CDON: variants seen among roughly 807,000 people sequenced by gnomAD.
CDON encodes the protein cell adhesion molecule-related/down-regulated by oncogenes.
CDON carries 73 observed loss-of-function variants against 120.9 expected under a neutral mutation model. The ratio of observed to expected loss-of-function variants is 0.60; its 90% CI spans 0.50 to 0.73. The LOEUF (loss-of-function observed/expected upper bound fraction) is 0.73. Among genes scored for constraint, CDON ranks in the 30% least tolerant of loss-of-function variants. The pLI is 0.00. For missense variants in CDON, 1,470 were observed against 1,587.3 expected (o/e 0.93, Z 1.26); for synonymous variants, 566 against 573.5 (o/e 0.99, Z 0.19).
intron 9 of CDON, 63 bp downstream of exon 9, chr11:126,005,696 T>C (rs532518046): frequency 3.7e-5 from 53 of 1,445,900 alleles, no homozygotes; most frequent in Middle Eastern, 2.4e-4. Flanking sequence ...AAGGCAACAG[T>C]ATATGTTATA....
At chr11:126,031,339 C>A (rs1947938103) in intron 1 of CDON, among the ~76,000 whole-genome samples, 1 of 152,172 alleles carries the variant, frequency 6.6e-6, no homozygotes, top group Non-Finnish European at 1.5e-5. Context: ...AATAATGGCT[C>A]TTAGAAAGTT....
At chr11:125,999,971 T>C (rs568922962) in intron 11 of CDON, among the ~76,000 whole-genome samples, 5 of 152,360 alleles carry the variant, frequency 3.3e-5, no homozygotes, top group East Asian at 1.9e-4. Context: ...AGAAACTCTT[T>C]TGCTGTTTCA....
At chr11:125,983,573 G>A (rs1055416876) in intron 16 of CDON, among the ~76,000 whole-genome samples, 17 of 152,224 alleles carry the variant, frequency 1.1e-4, no homozygotes, top group South Asian at 2.1e-4. Flanking sequence ...TCAAATATGC[G>A]TCCTCTTTGG....
chr11:126,051,650 TTC>T (rs1341000904), intron 1 of CDON, among the ~76,000 whole-genome samples: 1 of 133,268 alleles, frequency 7.5e-6, no homozygotes, highest in Non-Finnish European at 1.6e-5. Flanking sequence ...GCTATTTTTT[TTC>T]TTTTTTTTTT....
intron 1 of CDON, among the ~76,000 whole-genome samples, chr11:126,048,582 G>C (rs1175399577): frequency 1.3e-5 from 2 of 152,134 alleles, no homozygotes; most frequent in African/African-American, 4.8e-5. Context: ...AGAATGAAGA[G>C]GAAAATTTCC....
At chr11:125,975,012 C>A (rs1338752849) in intron 18 of CDON, among the ~76,000 whole-genome samples, 1 of 151,932 alleles carries the variant, frequency 6.6e-6, no homozygotes, top group Non-Finnish European at 1.5e-5. Flanking sequence ...TCTCACTGAT[C>A]CCCTCCCTCC....
intron 6 of CDON, among the ~76,000 whole-genome samples, chr11:126,016,123 C>G (rs1401097173): frequency 6.6e-6 from 1 of 152,154 alleles, no homozygotes; most frequent in Non-Finnish European, 1.5e-5. Context: ...ATGTTAATTC[C>G]AGTGTTGCTA....
At chr11:126,049,021 G>A (rs972956970) in intron 1 of CDON, among the ~76,000 whole-genome samples, 10 of 151,660 alleles carry the variant, frequency 6.6e-5, no homozygotes, top group East Asian at 1.9e-4. Context: ...GTGAGCCACC[G>A]CGCCCAGCCC....
chr11:126,050,549 T>C (rs1446775179), intron 1 of CDON, among the ~76,000 whole-genome samples: 1 of 148,014 alleles, frequency 6.8e-6, no homozygotes. Context: ...AAAAAGTCTG[T>C]AAAATACTCC....
At chr11:126,001,263 C>T (rs1264025670) in intron 11 of CDON, among the ~76,000 whole-genome samples, 1 of 150,538 alleles carries the variant, frequency 6.6e-6, no homozygotes, top group Non-Finnish European at 1.5e-5. Flanking sequence ...TCTCAGCTCA[C>T]TACAACATCT....
At chr11:125,981,370 A>ACACG in intron 16 of CDON, 41 bp from the exon 17 acceptor site, 1 of 1,582,956 alleles carries the variant, frequency 6.3e-7, no homozygotes, top group African/African-American at 1.3e-5. Context: ...GCACACACAC[A>ACACG]CACGCACGCA....
intron 16 of CDON, among the ~76,000 whole-genome samples, chr11:125,981,963 C>CTTT (rs1565501813): frequency 0.012 from 425 of 34,070 alleles, 9 homozygotes; most frequent in South Asian, 0.029. Flanking sequence ...AAAAGTGATT[C>CTTT]TATTTTCTTT....
At chr11:125,981,404 ATG>A in intron 16 of CDON, 75 bp from the exon 17 acceptor site, 5 of 1,424,574 alleles carry the variant, frequency 3.5e-6, no homozygotes, top group Non-Finnish European at 2.9e-6. Context: ...GCACACACGC[ATG>A]CACACATGCA....
At chr11:126,011,941 G>A (rs781690045) in intron 7 of CDON, among the ~76,000 whole-genome samples, 2 of 152,116 alleles carry the variant, frequency 1.3e-5, no homozygotes, top group Non-Finnish European at 2.9e-5. Context: ...ATCAAAATGC[G>A]AAATGGGTCT....
Position 126,019,686 on chromosome 11 carries a change from T to C in CDON, c.429A>G (p.Val143=), listed in dbSNP as rs1947577459. 6.2e-7 allele frequency: 1 copy of C among 1,614,132 alleles called. No homozygotes were observed. Among genetic ancestry groups the C allele is most frequent in the Admixed American group, 1.7e-5 (1 of 60,024 alleles). ...EKSAGFIGCR[V]PESNPKAEVR... ...CCTCAGCTTTGGGGTTACTCTCCGG[T>C]ACCCTGCAGCCAATGAAACCAGCAC... Residue 143 remains valine (V), a synonymous_variant, in exon 4 of 20, where the codon GTA becomes GTG. Transcript: ENST00000531738.
At position 126,005,531 on chromosome 11, in the gene CDON, C is replaced by T. The variant is rs1947094910; in HGVS notation, c.1851+228G>A. 82 of 579,198 alleles carry T rather than the reference C, an allele frequency of 1.4e-4. 1 individual carries two copies. In the South Asian group the frequency reaches 1.6e-3, roughly 11 times the overall value. 35.9% of individuals were successfully genotyped at this position (579,198 alleles called of 1,614,324 possible). On this transcript the variant is annotated intron_variant, in intron 9 of 19. Coordinates refer to ENST00000531738, the MANE Select transcript of CDON (RefSeq NM_001378964.1). ...AAACATTTGAATACACATGTAAAGACATCATTGGGTTCCTAGAATTCCAAT... is the reference window on the plus strand; with the variant it reads ...AAACATTTGAATACACATGTAAAGATATCATTGGGTTCCTAGAATTCCAAT...
Position 125,983,874 on chromosome 11 carries a change from TGTATG to T in CDON, c.2988_2992del (p.Ile997LysfsTer3). On this transcript the variant is annotated frameshift_variant, in exon 16 of 20. Transcript: ENST00000531738. LOFTEE classifies it high-confidence loss of function. ...GGAGATATTTATGAGTGACTTACTT[TGTATG>T]GTATTCTGCTGGCGATTCTTCCACA... 2 of 1,610,492 alleles carry T rather than the reference TGTATG, an allele frequency of 1.2e-6. No homozygotes were observed. Among genetic ancestry groups the T allele is most frequent in the Non-Finnish European group, 1.7e-6 (2 of 1,176,878 alleles).
At chr11:125,972,906 G>GCA (rs1946042324) in intron 18 of CDON, among the ~76,000 whole-genome samples, 1 of 151,582 alleles carries the variant, frequency 6.6e-6, no homozygotes, top group Non-Finnish European at 1.5e-5. Context: ...TATACTGTGG[G>GCA]GCAGCTCCTC....
intron 15 of CDON, 110 bp downstream of exon 15, chr11:125,989,527 C>T (rs1418948327): frequency 1.9e-6 from 2 of 1,039,760 alleles, no homozygotes; most frequent in Non-Finnish European, 2.9e-6. Context: ...CAGAGTGAGA[C>T]CGTGTCTCAA....
Sources: gnomAD v4.1 joint callset for allele counts (sites outside exome capture counted in the v4.1 genomes callset) on GRCh38, gnomAD v4.1.1 for gene constraint, MANE v1.5 for transcripts, NCBI Gene and HGNC (gene_info 2026-07-23, HGNC 2026-07-21) for gene names.